Variants in CNTN3 observed in about 807,000 individuals in gnomAD.
CNTN3 encodes the protein contactin 3.
In CNTN3, 60 loss-of-function variants were observed where a neutral mutation model predicts 119.1. That is an observed-to-expected ratio of 0.50 (90% confidence interval 0.41 to 0.62). The LOEUF (loss-of-function observed/expected upper bound fraction) is 0.62, where lower values mean the gene tolerates loss of function less well. Among genes scored for constraint, CNTN3 ranks in the 20% least tolerant of loss-of-function variants. The probability of loss-of-function intolerance (pLI) is 0.00; values close to 1 mark genes in which losing one functional copy is unlikely to be tolerated. For synonymous variants in CNTN3, 450 were observed against 438.7 expected (o/e 1.03, Z -0.32); for missense variants, 1,101 against 1,242.4 (o/e 0.89, Z 1.71).
At position 74,591,703 on chromosome 3, in the gene CNTN3, C is replaced by T. The variant is rs1575852556; in HGVS notation, c.-81+22688G>A. On this transcript the variant is annotated intron_variant, in intron 1 of 22. Transcript: ENST00000263665. ...TGGTAACTCCAAGGTCTCTGGCTTT[C>T]CTGACAGGGAAGATGTATGGTCCTG... is the stretch of plus-strand genomic sequence containing the variant. Among the ~76,000 whole-genome samples, 7 of 151,728 alleles carry T rather than the reference C, an allele frequency of 4.6e-5. No individual in the cohort carries two copies. The South Asian group carries it at 1.5e-3, about 32-fold the overall frequency.
intron 4 of CNTN3, among the ~76,000 whole-genome samples, chr3:74,450,371 T>A (rs991490620): frequency 3.7e-4 from 57 of 152,160 alleles, no homozygotes; most frequent in African/African-American, 1.3e-3. Context: ...TTTGGAAAGT[T>A]TGATAAATTT....
At chr3:74,420,287 G>A (rs1701595917) in intron 5 of CNTN3, among the ~76,000 whole-genome samples, 1 of 152,176 alleles carries the variant, frequency 6.6e-6, no homozygotes, top group Non-Finnish European at 1.5e-5. Context: ...ATGCTCTTAT[G>A]CAGAGCTGCC....
intron 20 of CNTN3, 39 bp from the exon 21 acceptor site, chr3:74,267,417 G>T: frequency 1.4e-6 from 2 of 1,393,288 alleles, no homozygotes; most frequent in Non-Finnish European, 2.0e-6. Context: ...ACAGATCGAA[G>T]TACAAGTGAT....
At chr3:74,342,223 A>G (rs917838713) in intron 11 of CNTN3, among the ~76,000 whole-genome samples, 3 of 152,284 alleles carry the variant, frequency 2.0e-5, no homozygotes, top group Middle Eastern at 3.4e-3. Context: ...TTACAACTGT[A>G]TATGTTCTCA....
chr3:74,426,100 T>C (rs537843161), intron 4 of CNTN3, among the ~76,000 whole-genome samples: 7 of 152,296 alleles, frequency 4.6e-5, no homozygotes, highest in Non-Finnish European at 8.8e-5. Flanking sequence ...TACTGATTCA[T>C]TCTTTCCAAG....
intron 16 of CNTN3, 148 bp downstream of exon 16, chr3:74,301,250 A>T: frequency 1.3e-6 from 1 of 775,262 alleles, no homozygotes; most frequent in South Asian, 1.7e-5. Context: ...GACAAATGCC[A>T]TATGGCCAGT....
chr3:74,395,954 T>C (rs1312539964), intron 5 of CNTN3, among the ~76,000 whole-genome samples: 2 of 152,210 alleles, frequency 1.3e-5, no homozygotes, highest in African/African-American at 2.4e-5. Flanking sequence ...GATGTTACTA[T>C]TGTAATTTTT....
intron 1 of CNTN3, among the ~76,000 whole-genome samples, chr3:74,539,431 A>G (rs190701870): frequency 5.9e-5 from 9 of 152,240 alleles, no homozygotes; most frequent in Admixed American, 3.3e-4. Context: ...ACAAAGAAGG[A>G]AACTAAGGCT....
chr3:74,438,468 T>G (rs1042128968), intron 4 of CNTN3, among the ~76,000 whole-genome samples: 29 of 152,374 alleles, frequency 1.9e-4, no homozygotes, highest in African/African-American at 7.0e-4. Flanking sequence ...TAGGCAAAGA[T>G]AAACCCTGTG....
rs1192696853 is a variant in CNTN3 at position 74,371,227 on chromosome 3, G to A, written c.627C>T (p.Gly209=). 1 of 1,613,202 alleles carries A rather than the reference G, an allele frequency of 6.2e-7. No homozygotes were observed. Among genetic ancestry groups the A allele is most frequent in the East Asian group, 2.2e-5 (1 of 44,848 alleles). ...AACGTAGCACCAAAGGAGTTGGAGA[G>A]CCCAGCACTCGGGCATTTGTCACCA... ...TSMVTNARVL[G]SPTPLVLRSD... is the part of the protein sequence containing the mutation. The change falls in exon 6 of 23, where the codon GGC becomes GGT. Residue 209 remains glycine, a synonymous_variant. Coordinates refer to ENST00000263665, the MANE Select transcript of CNTN3 (RefSeq NM_020872.3).
At chr3:74,359,315 A>G (rs1314268188) in intron 11 of CNTN3, among the ~76,000 whole-genome samples, 2 of 152,194 alleles carry the variant, frequency 1.3e-5, no homozygotes, top group Non-Finnish European at 2.9e-5. Flanking sequence ...CAGTATATGT[A>G]TATGTACAAA....
chr3:74,607,338 T>C (rs1430629779), intron 1 of CNTN3, among the ~76,000 whole-genome samples: 1 of 152,178 alleles, frequency 6.6e-6, no homozygotes, highest in South Asian at 2.1e-4. Context: ...TCACTAGCTA[T>C]ATTGTTCGGG....
chr3:74,533,580 G>C lies in CNTN3; in HGVS notation c.-80-12388C>G, dbSNP rs558135991. Reference sequence around the variant, plus strand: ...CCCATGTTACAGATGAAATAACTGAGGTAGAAAAACATTAACCAACATTCC... The same window carrying C: ...CCCATGTTACAGATGAAATAACTGACGTAGAAAAACATTAACCAACATTCC... On this transcript the variant is annotated intron_variant, in intron 1 of 22. Coordinates refer to ENST00000263665, the MANE Select transcript of CNTN3 (RefSeq NM_020872.3). Among the ~76,000 whole-genome samples the C allele has an allele frequency of 9.2e-5, 14 of 151,876 alleles. No homozygotes were observed. In the East Asian group the frequency reaches 9.7e-4, roughly 11 times the overall value.
intron 1 of CNTN3, among the ~76,000 whole-genome samples, chr3:74,540,950 A>T: frequency 6.6e-6 from 1 of 152,300 alleles, no homozygotes; most frequent in South Asian, 2.1e-4. Context: ...CTTTAAATTT[A>T]TTGCTTTAAT....
chr3:74,377,123 G>GA (rs1575671308), intron 5 of CNTN3, among the ~76,000 whole-genome samples: 1 of 151,892 alleles, frequency 6.6e-6, no homozygotes, highest in African/African-American at 2.4e-5. Flanking sequence ...TAAAGACATA[G>GA]AAAAAAATCA....
chr3:74,378,904 T>G (rs573487358), intron 5 of CNTN3, among the ~76,000 whole-genome samples: 1 of 152,326 alleles, frequency 6.6e-6, no homozygotes, highest in Non-Finnish European at 1.5e-5. Context: ...ACAAAGCTCA[T>G]GCTAGGCCCC....
At chr3:74,391,800 T>A (rs1704914012) in intron 5 of CNTN3, among the ~76,000 whole-genome samples, 1 of 151,990 alleles carries the variant, frequency 6.6e-6, no homozygotes, top group Non-Finnish European at 1.5e-5. Context: ...TGGGACTACG[T>A]TCGCGTGCCA....
chr3:74,271,861 G>T (rs1332387194), intron 20 of CNTN3, among the ~76,000 whole-genome samples: 1 of 152,070 alleles, frequency 6.6e-6, no homozygotes, highest in African/African-American at 2.4e-5. Context: ...TATTATAAAT[G>T]GATCTAATTT....
At chr3:74,288,916 AATGAGCTTCTCAACT>A (rs1702172958) in intron 19 of CNTN3, among the ~76,000 whole-genome samples, 1 of 152,214 alleles carries the variant, frequency 6.6e-6, no homozygotes, top group Admixed American at 6.5e-5. Context: ...AGCCCAGGGA[AATGAGCTTCTCAACT>A]ACTGCTTGGT....
Sources: gnomAD v4.1 joint callset for allele counts (sites outside exome capture counted in the v4.1 genomes callset) on GRCh38, gnomAD v4.1.1 for gene constraint, MANE v1.5 for transcripts, NCBI Gene and HGNC (gene_info 2026-07-23, HGNC 2026-07-21) for gene names.